The following OXCT1 variants were observed in gnomAD, a reference collection of about 807,000 sequenced individuals.
OXCT1 encodes succinyl-CoA:3-ketoacid coenzyme A transferase 1, mitochondrial.
OXCT1 carries 27 observed loss-of-function variants against 69.6 expected under a neutral mutation model. That is an observed-to-expected ratio of 0.39 (90% CI 0.29 to 0.54). The LOEUF (loss-of-function observed/expected upper bound fraction) is 0.54, where lower values mean the gene tolerates loss of function less well. Among genes scored for constraint, OXCT1 ranks in the 20% least tolerant of loss-of-function variants. The probability of loss-of-function intolerance (pLI) is 0.72; values close to 1 mark genes in which losing one functional copy is unlikely to be tolerated. For synonymous variants in OXCT1, 202 were observed against 217.8 expected (o/e 0.93, Z 0.64); for missense variants, 437 against 650.2 (o/e 0.67, Z 3.57).
chr5:41,772,399 T>C (rs1744917029), intron 13 of OXCT1, among the ~76,000 whole-genome samples: 2 of 151,506 alleles, frequency 1.3e-5, no homozygotes, highest in Admixed American at 6.6e-5. Flanking sequence ...TGAAAGAACA[T>C]TAATAAATTG....
chr5:41,739,355 G>A (rs1245236791), intron 16 of OXCT1, 35 bp downstream of exon 16: 1 of 1,308,542 alleles, frequency 7.6e-7, no homozygotes, highest in Non-Finnish European at 1.1e-6. Flanking sequence ...TATAATATAA[G>A]ACAAGTGTCT....
intron 3 of OXCT1, among the ~76,000 whole-genome samples, chr5:41,858,395 TAG>T (rs1749551427): frequency 6.6e-6 from 1 of 152,194 alleles, no homozygotes; most frequent in East Asian, 1.9e-4. Flanking sequence ...TCATTTCTAA[TAG>T]AGACATGTAT....
At chr5:41,796,800 C>T (rs1006652489) in intron 11 of OXCT1, among the ~76,000 whole-genome samples, 3 of 152,172 alleles carry the variant, frequency 2.0e-5, no homozygotes, top group Admixed American at 6.5e-5. Flanking sequence ...AAAGTCCTTA[C>T]TCTAACTTGC....
chr5:41,763,871 G>A (rs927424591), intron 13 of OXCT1, among the ~76,000 whole-genome samples: 2 of 152,122 alleles, frequency 1.3e-5, no homozygotes, highest in Non-Finnish European at 2.9e-5. Flanking sequence ...ACTTATGACA[G>A]CCTCTAACAA....
At chr5:41,737,754 C>T (rs1240750537) in intron 16 of OXCT1, among the ~76,000 whole-genome samples, 3 of 152,110 alleles carry the variant, frequency 2.0e-5, no homozygotes, top group Admixed American at 6.5e-5. Context: ...AAACAAAAAT[C>T]GTTTTTAGAG....
At chr5:41,842,063 C>CA (rs1356391572) in intron 6 of OXCT1, among the ~76,000 whole-genome samples, 7 of 152,090 alleles carry the variant, frequency 4.6e-5, no homozygotes, top group Non-Finnish European at 1.0e-4. Flanking sequence ...TCATATTCCT[C>CA]AAAAAACAAC....
In OXCT1 at chr5:41,762,010, A is replaced by G. The variant is rs550199022; in HGVS notation, c.1338+101T>C. On this transcript the variant is annotated intron_variant, in intron 14 of 16. Coordinates refer to ENST00000196371, the MANE Select transcript of OXCT1 (RefSeq NM_000436.4). The surrounding 1 kb of genome is among the most constrained non-coding windows in gnomAD (Gnocchi z 4.0). ...TAAATGCTATCACCTTGAATGAGCC[A>G]GAGAAAATAAAATCCACAGTTAGGT... is the stretch of plus-strand genomic sequence containing the variant. The G allele has an allele frequency of 2.5e-6, 2 of 809,604 alleles. No individual in the cohort carries two copies. The highest frequency in any genetic ancestry group is 3.4e-5 in the Admixed American group (2 of 58,648). 50.2% of individuals were successfully genotyped at this position (809,604 alleles called of 1,614,324 possible).
chr5:41,850,609 G>A (rs971990669), intron 4 of OXCT1, among the ~76,000 whole-genome samples: 1 of 152,006 alleles, frequency 6.6e-6, no homozygotes, highest in African/African-American at 2.4e-5. Flanking sequence ...ATAATGTAAA[G>A]TGTTTAAATT....
Position 41,762,007 on chromosome 5 carries a change from G to A in OXCT1, c.1338+104C>T. 1 of 799,590 alleles carries A rather than the reference G, an allele frequency of 1.3e-6. No homozygotes were observed. The highest frequency in any genetic ancestry group is 2.3e-6 in the Non-Finnish European group (1 of 438,028). 49.5% of individuals were successfully genotyped at this position (799,590 alleles called of 1,614,324 possible). Reference sequence around the variant, plus strand: ...ATGTAAATGCTATCACCTTGAATGAGCCAGAGAAAATAAAATCCACAGTTA... The same window carrying A: ...ATGTAAATGCTATCACCTTGAATGAACCAGAGAAAATAAAATCCACAGTTA... On this transcript the variant is annotated intron_variant, in intron 14 of 16. Transcript: ENST00000196371. This position sits in a 1 kb window ranked among gnomAD's most constrained non-coding sequence, Gnocchi z 4.0.
chr5:41,731,783 G>GAA lies in OXCT1; in HGVS notation c.1522-15_1522-14dup. On this transcript the variant is annotated splice_polypyrimidine_tract_variant and intron_variant, in intron 16 of 16. Transcript: ENST00000196371. ...GTTTTGGTGAAACCTGGTAAAAGAG[G>GAA]AAAAAAAAATCAAATTATGAAAAAC... is the stretch of plus-strand genomic sequence containing the variant. The GAA allele has an allele frequency of 6.3e-7, 1 of 1,597,584 alleles. No individual in the cohort carries two copies. The highest frequency in any genetic ancestry group is 1.1e-5 in the South Asian group (1 of 88,834).
At chr5:41,755,311 C>T (rs935302832) in intron 14 of OXCT1, among the ~76,000 whole-genome samples, 1 of 151,768 alleles carries the variant, frequency 6.6e-6, no homozygotes, top group South Asian at 2.1e-4. Context: ...GCATTTCTAT[C>T]ATAAAGGAGA....
chr5:41,740,172 G>A (rs1743095350), intron 15 of OXCT1, among the ~76,000 whole-genome samples: 1 of 152,168 alleles, frequency 6.6e-6, no homozygotes. Flanking sequence ...AAGAGGGAGA[G>A]AGAAAGGGAA....
At chr5:41,771,021 C>A (rs1034317546) in intron 13 of OXCT1, among the ~76,000 whole-genome samples, 13 of 152,134 alleles carry the variant, frequency 8.5e-5, no homozygotes, top group African/African-American at 2.7e-4. Context: ...ACTTTATTAC[C>A]ATGATCAGAG....
chr5:41,810,247 A>G (rs938482375), intron 7 of OXCT1, among the ~76,000 whole-genome samples: 3 of 152,042 alleles, frequency 2.0e-5, no homozygotes, highest in Middle Eastern at 3.2e-3. Context: ...TTAATGGAAA[A>G]CCTGATGAGA....
intron 16 of OXCT1, among the ~76,000 whole-genome samples, chr5:41,732,735 G>C (rs1742694237): frequency 6.6e-6 from 1 of 152,198 alleles, no homozygotes; most frequent in South Asian, 2.1e-4. Flanking sequence ...TGAATAAGTA[G>C]ATAATTATAT....
intron 2 of OXCT1, 47 bp from the exon 3 acceptor site, chr5:41,861,451 G>C: frequency 9.4e-7 from 1 of 1,060,850 alleles, no homozygotes; most frequent in Non-Finnish European, 1.5e-6. Flanking sequence ...GGGTAACAAT[G>C]TTCTTTCAGA....
chr5:41,757,914 G>A (rs1744163268), intron 14 of OXCT1, among the ~76,000 whole-genome samples: 2 of 152,074 alleles, frequency 1.3e-5, no homozygotes, highest in Admixed American at 6.6e-5. Flanking sequence ...ACCAAGCAGT[G>A]TTGACTATGT....
chr5:41,756,457 C>A (rs551867915), intron 14 of OXCT1, among the ~76,000 whole-genome samples: 1 of 152,146 alleles, frequency 6.6e-6, no homozygotes, highest in South Asian at 2.1e-4. Flanking sequence ...GGTTACTTAA[C>A]CTCTATGAAA....
intron 13 of OXCT1, among the ~76,000 whole-genome samples, chr5:41,774,905 A>T (rs1745050145): frequency 6.6e-6 from 1 of 152,158 alleles, no homozygotes; most frequent in Non-Finnish European, 1.5e-5. Flanking sequence ...AAAAAATAAA[A>T]TAAATAAATA....
Sources: allele counts gnomAD v4.1 joint callset (sites outside exome capture counted in the v4.1 genomes callset), GRCh38; gene constraint gnomAD v4.1.1; non-coding constraint Gnocchi (gnomAD v3.1); transcripts MANE v1.5; gene names NCBI Gene and HGNC (gene_info 2026-07-23, HGNC 2026-07-21).